The following CSMD1 variants were observed in gnomAD, a reference collection of about 807,000 sequenced individuals.
The protein encoded by CSMD1 is CUB and sushi domain-containing protein 1.
A neutral mutation model predicts 417.5 loss-of-function variants in CSMD1; 213 were observed. The ratio of observed to expected loss-of-function variants is 0.51; its 90% CI spans 0.46 to 0.57. CSMD1 has a LOEUF of 0.57. Among genes scored for constraint, CSMD1 ranks in the 20% least tolerant of loss-of-function variants. The pLI is 0.00. For synonymous variants in CSMD1, 2,862 were observed against 1,736.8 expected (o/e 1.65, Z -16.11); for missense variants, 6,923 against 4,529.7 (o/e 1.53, Z -15.17).
At chr8:3,397,421 C>T (rs765843987) in intron 16 of CSMD1, among the ~76,000 whole-genome samples, 2 of 152,296 alleles carry the variant, frequency 1.3e-5, no homozygotes, top group Middle Eastern at 3.4e-3. Flanking sequence ...CATGGATACA[C>T]TGATTAGTGC....
chr8:2,978,213 G>A (rs1259438850), intron 55 of CSMD1, among the ~76,000 whole-genome samples: 1 of 152,174 alleles, frequency 6.6e-6, no homozygotes, highest in Non-Finnish European at 1.5e-5. Flanking sequence ...CTCCACACCA[G>A]AGCACTTCGC....
chr8:4,291,616 A>C (rs1585170605), intron 3 of CSMD1, among the ~76,000 whole-genome samples: 1 of 152,232 alleles, frequency 6.6e-6, no homozygotes, highest in Non-Finnish European at 1.5e-5. Flanking sequence ...TTTTCTTGTG[A>C]TATGTTTCTT....
At chr8:3,845,236 G>A (rs1397672622) in intron 5 of CSMD1, among the ~76,000 whole-genome samples, 3 of 152,170 alleles carry the variant, frequency 2.0e-5, no homozygotes. Context: ...GATACATTTT[G>A]AGAAACACAT....
At chr8:3,217,103 C>G (rs1797926314) in intron 29 of CSMD1, among the ~76,000 whole-genome samples, 1 of 152,094 alleles carries the variant, frequency 6.6e-6, no homozygotes, top group Non-Finnish European at 1.5e-5. Context: ...CATCACTGCC[C>G]TAGGCTGGAT....
At chr8:4,483,877 C>A (rs1489898106) in intron 2 of CSMD1, among the ~76,000 whole-genome samples, 1 of 152,056 alleles carries the variant, frequency 6.6e-6, no homozygotes, top group African/African-American at 2.4e-5. Context: ...TAGAGTAAGT[C>A]AAAAATGAAC....
chr8:3,367,663 T>A (rs1162770871), intron 19 of CSMD1, among the ~76,000 whole-genome samples: 1 of 152,070 alleles, frequency 6.6e-6, no homozygotes, highest in Non-Finnish European at 1.5e-5. Context: ...ACAACAAAAA[T>A]AAATACTTAA....
chr8:4,158,801 G>A (rs1036766886), intron 3 of CSMD1, among the ~76,000 whole-genome samples: 11 of 152,128 alleles, frequency 7.2e-5, no homozygotes, highest in African/African-American at 2.2e-4. Context: ...ACTTTCCCAA[G>A]TTTATCATAT....
intron 1 of CSMD1, among the ~76,000 whole-genome samples, chr8:4,878,880 C>T (rs1228502567): frequency 6.7e-6 from 1 of 150,246 alleles, no homozygotes; most frequent in South Asian, 2.1e-4. Flanking sequence ...CCCAGACACA[C>T]AAAAAGCTGA....
intron 14 of CSMD1, 79 bp downstream of exon 14, chr8:3,407,820 C>G (rs1812447695): frequency 1.6e-6 from 2 of 1,241,326 alleles, no homozygotes; most frequent in Non-Finnish European, 1.1e-6. Context: ...TGAAATGCAA[C>G]TTCACATACA....
At chr8:4,590,533 A>C (rs966950838) in intron 2 of CSMD1, among the ~76,000 whole-genome samples, 7 of 152,110 alleles carry the variant, frequency 4.6e-5, no homozygotes, top group Admixed American at 6.6e-5. Context: ...TAATACCTGG[A>C]ATTATGACAC....
chr8:4,652,350 T>C (rs1480726603), intron 1 of CSMD1, among the ~76,000 whole-genome samples: 1 of 151,196 alleles, frequency 6.6e-6, no homozygotes, highest in Admixed American at 6.6e-5. Context: ...TCAGTGAAGG[T>C]CTTTTGAAAC....
At chr8:4,334,038 C>T (rs898368362) in intron 3 of CSMD1, among the ~76,000 whole-genome samples, 5 of 151,870 alleles carry the variant, frequency 3.3e-5, no homozygotes, top group Admixed American at 2.0e-4. Context: ...CCACAGGCAC[C>T]CACCACAACA....
At position 4,139,168 on chromosome 8, in the gene CSMD1, C is replaced by T. The variant is rs572446947; in HGVS notation, c.416-107069G>A. On this transcript the variant is annotated intron_variant, in intron 3 of 69. Coordinates refer to ENST00000635120, the MANE Select transcript of CSMD1 (RefSeq NM_033225.6). ...CCTACTGGTTTTATCACATGAAACC[C>T]TTTACTTAAACTGTTTCAGTTTCAG... 7.9e-4 allele frequency among the ~76,000 whole-genome samples: 120 copies of T among 152,264 alleles called. 1 individual carries two copies. The East Asian group carries it at 0.015, about 19-fold the overall frequency.
chr8:4,345,768 C>T (rs1317940377), intron 3 of CSMD1, among the ~76,000 whole-genome samples: 1 of 151,958 alleles, frequency 6.6e-6, no homozygotes, highest in Non-Finnish European at 1.5e-5. Flanking sequence ...TCATCTCAAC[C>T]CCGTTAAAAT....
chr8:4,146,550 G>T lies in CSMD1; in HGVS notation c.416-114451C>A, dbSNP rs555860587. Among the ~76,000 whole-genome samples, 247 of 145,888 alleles carry T rather than the reference G, an allele frequency of 1.7e-3. 14 individuals carry two copies. Among genetic ancestry groups the T allele is most frequent in the African/African-American group, 5.9e-3 (227 of 38,664 alleles). ...CTGGTTAAAACACCACAACTCCAGG[G>T]AAGGAAGCTCCATTATTATCTGTCT... On this transcript the variant is annotated intron_variant, in intron 3 of 69. Coordinates refer to ENST00000635120, the MANE Select transcript of CSMD1 (RefSeq NM_033225.6).
At chr8:4,272,573 G>C (rs1585135506) in intron 3 of CSMD1, among the ~76,000 whole-genome samples, 1 of 152,126 alleles carries the variant, frequency 6.6e-6, no homozygotes, top group East Asian at 1.9e-4. Flanking sequence ...TTATTTACTT[G>C]CAGTATACCT....
At chr8:4,826,394 C>G (rs950876861) in intron 1 of CSMD1, among the ~76,000 whole-genome samples, 4 of 152,096 alleles carry the variant, frequency 2.6e-5, no homozygotes, top group Non-Finnish European at 4.4e-5. Flanking sequence ...GCATATGCAA[C>G]AGCATGGATG....
At chr8:3,810,259 G>T (rs371293902) in intron 5 of CSMD1, among the ~76,000 whole-genome samples, 9 of 152,064 alleles carry the variant, frequency 5.9e-5, no homozygotes, top group African/African-American at 2.2e-4. Flanking sequence ...AAGGAATGCT[G>T]GTACTTCCAT....
intron 5 of CSMD1, among the ~76,000 whole-genome samples, chr8:3,761,959 C>T (rs1226862159): frequency 6.6e-6 from 1 of 152,142 alleles, no homozygotes; most frequent in Non-Finnish European, 1.5e-5. Context: ...TGCTCCACAC[C>T]AGTGGCCATA....
Sources: allele counts gnomAD v4.1 joint callset (sites outside exome capture counted in the v4.1 genomes callset), GRCh38; gene constraint gnomAD v4.1.1; transcripts MANE v1.5; gene names NCBI Gene and HGNC (gene_info 2026-07-23, HGNC 2026-07-21).